ERCC2: variants seen among roughly 807,000 people sequenced by gnomAD.
ERCC2 encodes ERCC excision repair 2, TFIIH core complex helicase subunit.
Under a neutral mutation model 99.4 loss-of-function variants are expected in ERCC2, and 90 were observed. The observed-to-expected ratio is 0.91, with a 90% CI of 0.76 to 1.08. ERCC2 has a LOEUF of 1.08. Among genes scored for constraint, ERCC2 ranks in the 50% least tolerant of loss-of-function variants. The pLI, the probability that ERCC2 is intolerant of heterozygous loss-of-function variation, is 0.00. For synonymous variants in ERCC2, 497 were observed against 432.4 expected (o/e 1.15, Z -1.85); for missense variants, 993 against 1,038.1 (o/e 0.96, Z 0.60).
intron 3 of ERCC2, 39 bp from the exon 4 acceptor site, chr19:45,369,031 T>G (rs1395625835): frequency 6.2e-6 from 10 of 1,613,896 alleles, no homozygotes; most frequent in Non-Finnish European, 8.5e-6. Context: ...GTCCCGCCCC[T>G]TCCTTTGTCT....
intron 22 of ERCC2, 23 bp from the exon 23 acceptor site, chr19:45,351,744 A>T: frequency 6.2e-7 from 1 of 1,610,252 alleles, no homozygotes; most frequent in Non-Finnish European, 8.5e-7. Flanking sequence ...GAGGAAAGGG[A>T]GAGGGGGGCA....
Position 45,357,685 on chromosome 19 carries a change from T to C in ERCC2, c.1252A>G (p.Ile418Val). Residue 418 changes from isoleucine (I) to valine (V), a missense_variant, in exon 13 of 23, where the codon ATC becomes GTC. This residue lies in a region of ERCC2 where 909 missense variants were observed against 930.8 expected (regional missense o/e 0.98). Coordinates refer to ENST00000391945, the MANE Select transcript of ERCC2 (RefSeq NM_000400.4). ...STYAKGFTII[I>V]EPFDDRTPTI... Reference sequence around the variant, plus strand: ...GGGGTTCTGTCGTCAAAGGGCTCGATGATGATGGTGAAGCCTGCAGAGGGC... The same window carrying C: ...GGGGTTCTGTCGTCAAAGGGCTCGACGATGATGGTGAAGCCTGCAGAGGGC... 1.2e-6 allele frequency: 2 copies of C among 1,613,824 alleles called. No homozygotes were observed. The highest frequency in any genetic ancestry group is 1.7e-6 in the Non-Finnish European group (2 of 1,179,978).
At chr19:45,355,001 G>T in intron 16 of ERCC2, 150 bp from the exon 17 acceptor site, 2 of 978,212 alleles carry the variant, frequency 2.0e-6, no homozygotes, top group Non-Finnish European at 3.2e-6. Flanking sequence ...CGTGTCTGAG[G>T]ACCCGCCTTG....
chr19:45,354,318 C>T (rs1257035572), intron 17 of ERCC2, among the ~76,000 whole-genome samples: 1 of 152,222 alleles, frequency 6.6e-6, no homozygotes, highest in Non-Finnish European at 1.5e-5. Context: ...GAGAGGCTCG[C>T]CCCGAGTCTT....
intron 12 of ERCC2, among the ~76,000 whole-genome samples, chr19:45,359,353 G>A (rs1438163930): frequency 6.6e-6 from 1 of 152,180 alleles, no homozygotes; most frequent in Non-Finnish European, 1.5e-5. Context: ...AGAAGCAGCA[G>A]CCAGCCGGCC....
chr19:45,362,824 T>C (rs894621146), intron 11 of ERCC2, among the ~76,000 whole-genome samples: 1 of 152,194 alleles, frequency 6.6e-6, no homozygotes, highest in African/African-American at 2.4e-5. Flanking sequence ...AGCCAGGGCC[T>C]TTGGAGCCCA....
Position 45,354,795 on chromosome 19 carries a change from C to T in ERCC2, c.1600G>A (p.Gly534Ser), listed in dbSNP as rs1568534114. 2 of 1,614,156 alleles carry T rather than the reference C, an allele frequency of 1.2e-6. No homozygotes were observed. The highest frequency in any genetic ancestry group is 1.7e-6 in the Non-Finnish European group (2 of 1,180,006). ...LLEMSAVVPD[G>S]IVAFFTSYQY... ...TAGCTGGTGAAGAAGGCCACGATGC[C>T]ATCAGGGACCACAGCGGACATCTCC... The change falls in exon 17 of 23, where the codon GGC (glycine) becomes AGC (serine). Residue 534 changes from glycine to serine, a missense_variant. Coordinates refer to ENST00000391945, the MANE Select transcript of ERCC2 (RefSeq NM_000400.4).
chr19:45,367,126 C>G (rs925090522), intron 5 of ERCC2, among the ~76,000 whole-genome samples: 1 of 151,976 alleles, frequency 6.6e-6, no homozygotes, highest in Non-Finnish European at 1.5e-5. Context: ...ATCACAAGGT[C>G]GGGAGTTAGA....
At chr19:45,357,178 T>TA (rs1274513479) in intron 15 of ERCC2, 92 bp downstream of exon 15, 1 of 894,210 alleles carries the variant, frequency 1.1e-6, no homozygotes, top group Non-Finnish European at 1.8e-6. Context: ...TGTAAAGCTC[T>TA]CCTGCCTGAG....
At position 45,351,422 on chromosome 19, in the gene ERCC2, T is replaced by G. The variant is rs554810258; in HGVS notation, c.*207A>C. 4.8e-5 allele frequency: 76 copies of G among 1,593,090 alleles called. No individual in the cohort carries two copies. In the East Asian group the frequency reaches 1.7e-3, roughly 36 times the overall value. On this transcript the variant is annotated 3_prime_UTR_variant, in exon 23 of 23. Transcript: ENST00000391945. ...GTGCAGGAGGGATGGGCTGGTGGGGTGAGAGGGGGTCTATCATCTCCTGGC... is the reference window on the plus strand; with the variant it reads ...GTGCAGGAGGGATGGGCTGGTGGGGGGAGAGGGGGTCTATCATCTCCTGGC...
intron 12 of ERCC2, among the ~76,000 whole-genome samples, chr19:45,359,360 G>A (rs1030788052): frequency 3.9e-5 from 6 of 152,168 alleles, no homozygotes; most frequent in East Asian, 1.9e-4. Flanking sequence ...GCAGCCAGCC[G>A]GCCTCGCTAC....
chr19:45,353,007 A>G (rs1971872797), intron 19 of ERCC2, 76 bp downstream of exon 19: 1 of 1,488,758 alleles, frequency 6.7e-7, no homozygotes, highest in East Asian at 2.3e-5. Flanking sequence ...TCCCCGCGGG[A>G]GCAGACAGCA....
intron 17 of ERCC2, among the ~76,000 whole-genome samples, chr19:45,353,702 C>G (rs1478949452): frequency 6.6e-6 from 1 of 152,204 alleles, no homozygotes; most frequent in African/African-American, 2.4e-5. Context: ...AATGCAAGGA[C>G]AGACCACTGG....
chr19:45,363,429 C>A (rs1972295378), intron 11 of ERCC2, among the ~76,000 whole-genome samples: 1 of 152,182 alleles, frequency 6.6e-6, no homozygotes, highest in Non-Finnish European at 1.5e-5. Flanking sequence ...CCAGCTCTCA[C>A]CTCCCACCCT....
At chr19:45,365,427 C>A (rs1393069077) in intron 5 of ERCC2, among the ~76,000 whole-genome samples, 3 of 152,106 alleles carry the variant, frequency 2.0e-5, no homozygotes, top group Non-Finnish European at 4.4e-5. Flanking sequence ...CCAGCCTGGC[C>A]AACATGGTGA....
chr19:45,359,620 A>ACCACGCTCCCCATATCCCAGCCT (rs1972138986), intron 12 of ERCC2, among the ~76,000 whole-genome samples: 1 of 152,058 alleles, frequency 6.6e-6, no homozygotes, highest in South Asian at 2.1e-4. Context: ...AAACCCAGGC[A>ACCACGCTCCCCATATCCCAGCCT]CCACGCTCCC....
At chr19:45,361,941 T>A in intron 11 of ERCC2, 1 of 383,188 alleles carries the variant, frequency 2.6e-6, no homozygotes, top group Non-Finnish European at 5.0e-6. Context: ...TTCTTTTTCT[T>A]TTTTTTCTTT....
In ERCC2 at chr19:45,352,536, C is replaced by T. The variant is rs761981570; in HGVS notation, c.2016G>A (p.Thr672=). 18 of 1,614,028 alleles carry T rather than the reference C, an allele frequency of 1.1e-5. No homozygotes were observed. Among genetic ancestry groups the T allele is most frequent in the Middle Eastern group, 1.6e-4 (1 of 6,084 alleles). Residue 672 remains threonine, a synonymous_variant, in exon 21 of 23, where the codon ACG becomes ACA. Transcript: ENST00000391945. Reference sequence around the variant, plus strand: ...CGGCAAAGACCATGAGGCCGTAGTCCGTCTTGCCCCTGATGGCCCGACCCA... The same window carrying T: ...CGGCAAAGACCATGAGGCCGTAGTCTGTCTTGCCCCTGATGGCCCGACCCA... ...QCVGRAIRGK[T]DYGLMVFADK... is the part of the protein sequence containing the mutation.
At chr19:45,357,441 AG>A (rs763451072) in intron 14 of ERCC2, 32 bp downstream of exon 14, 1 of 1,612,302 alleles carries the variant, frequency 6.2e-7, no homozygotes, top group Non-Finnish European at 8.5e-7. Context: ...GAGGGAGGTC[AG>A]GGACTAGGAG....
Sources: gnomAD v4.1 joint callset for allele counts (sites outside exome capture counted in the v4.1 genomes callset) on GRCh38, gnomAD v4.1.1 for gene constraint, gnomAD v4.1.1 regional missense constraint, MANE v1.5 for transcripts, NCBI Gene and HGNC (gene_info 2026-07-23, HGNC 2026-07-21) for gene names.